NUP62CL: variants seen among roughly 807,000 people sequenced by gnomAD.
The protein encoded by NUP62CL is nucleoporin-62 C-terminal-like protein.
NUP62CL carries 13 observed loss-of-function variants against 15.3 expected under a neutral mutation model. The ratio of observed to expected loss-of-function variants is 0.85; its 90% CI spans 0.55 to 1.35. The LOEUF (loss-of-function observed/expected upper bound fraction) is 1.35, where lower values mean the gene tolerates loss of function less well. NUP62CL is among the 40% of genes most tolerant of loss of function. The pLI is 0.00. For synonymous variants in NUP62CL, 54 were observed against 49.2 expected (o/e 1.10, Z -0.41); for missense variants, 123 against 130.6 (o/e 0.94, Z 0.28).
intron 3 of NUP62CL, among the ~76,000 whole-genome samples, chrX:107,174,025 T>G (rs1195520709): frequency 9.4e-6 from 1 of 106,628 alleles, no homozygotes; most frequent in Non-Finnish European, 1.9e-5. Flanking sequence ...TTCTTTTCTT[T>G]TTTTTCTTTC....
At chrX:107,132,701 G>A (rs1925548767) in intron 8 of NUP62CL, among the ~76,000 whole-genome samples, 1 of 112,196 alleles carries the variant, frequency 8.9e-6, no homozygotes, top group South Asian at 3.7e-4. Flanking sequence ...CGAGGCTGCA[G>A]TGAGCTGCGT....
chrX:107,146,258 TAAACTC>T lies in NUP62CL; in HGVS notation c.*42+1479_*42+1484del, dbSNP rs1379729752. Among the ~76,000 whole-genome samples, 3 of 111,860 alleles carry T rather than the reference TAAACTC, an allele frequency of 2.7e-5. No individual in the cohort carries two copies. In the East Asian group the frequency reaches 8.4e-4, roughly 31 times the overall value. On this transcript the variant is annotated intron_variant, in intron 8 of 8. Transcript: ENST00000372466. ...TAAATATCCTATTCTCCAGCGATCT[TAAACTC>T]AATGGTTTTAGCATTCATTGATGAT...
intron 2 of NUP62CL, among the ~76,000 whole-genome samples, chrX:107,192,173 C>T (rs775068003): frequency 1.8e-5 from 2 of 111,512 alleles, no homozygotes; most frequent in Non-Finnish European, 3.8e-5. Context: ...TTACAATGAT[C>T]GATAGAAAAA....
At chrX:107,151,120 T>C (rs1409941752) in intron 7 of NUP62CL, among the ~76,000 whole-genome samples, 1 of 112,127 alleles carries the variant, frequency 8.9e-6, no homozygotes, top group Non-Finnish European at 1.9e-5. Context: ...TATATTTTCA[T>C]GGATGCAGCA....
rs766486285 is a variant in NUP62CL at position 107,203,930 on chromosome X, T to G, written c.-92+2343A>C. ...AAAGAATTAGCTAAACTATATCCAT[T>G]TTTCATAGCTATAAATCCACAGAAA... On this transcript the variant is annotated intron_variant, in intron 1 of 8. Coordinates refer to ENST00000372466, the MANE Select transcript of NUP62CL (RefSeq NM_017681.3). Among the ~76,000 whole-genome samples the G allele has an allele frequency of 2.2e-3, 245 of 111,967 alleles. 1 individual carries two copies. Among genetic ancestry groups the G allele is most frequent in the Non-Finnish European group, 3.9e-3 (207 of 53,192 alleles).
intron 3 of NUP62CL, among the ~76,000 whole-genome samples, chrX:107,170,847 T>A (rs184277880): frequency 1.9e-3 from 212 of 112,695 alleles, no homozygotes; most frequent in Non-Finnish European, 3.2e-3. Flanking sequence ...TCTATCACAG[T>A]CTGATTTTGC....
At chrX:107,128,640 T>C (rs1227339904) in intron 8 of NUP62CL, among the ~76,000 whole-genome samples, 1 of 111,563 alleles carries the variant, frequency 9.0e-6, no homozygotes. Flanking sequence ...ACTATTAGAA[T>C]GATGAGCCAA....
At chrX:107,127,342 C>T in intron 8 of NUP62CL, among the ~76,000 whole-genome samples, 1 of 111,268 alleles carries the variant, frequency 9.0e-6, no homozygotes, top group East Asian at 2.8e-4. Context: ...AAAATTTTGG[C>T]GGTAAAAAAA....
chrX:107,151,702 T>A (rs1926014071), intron 7 of NUP62CL, among the ~76,000 whole-genome samples: 2 of 110,062 alleles, frequency 1.8e-5, no homozygotes, highest in South Asian at 7.7e-4. Flanking sequence ...ATTGGTTGCC[T>A]ACATTATTGA....
intron 2 of NUP62CL, among the ~76,000 whole-genome samples, chrX:107,184,296 G>GAAGAAAGAAAGA (rs55729158): frequency 6.1e-5 from 4 of 65,062 alleles, no homozygotes; most frequent in Non-Finnish European, 1.1e-4. Flanking sequence ...CAAAAAAAGA[G>GAAGAAAGAAAGA]AAGAAAGAAA....
chrX:107,160,451 G>A (rs1252273997), intron 4 of NUP62CL, among the ~76,000 whole-genome samples: 1 of 107,168 alleles, frequency 9.3e-6, no homozygotes, highest in Admixed American at 1.0e-4. Flanking sequence ...CAATGGAACA[G>A]AACAGAGCCC....
chrX:107,128,055 C>T (rs1359657645), intron 8 of NUP62CL, among the ~76,000 whole-genome samples: 1 of 111,852 alleles, frequency 8.9e-6, no homozygotes, highest in African/African-American at 3.2e-5. Context: ...TAAATTAGTA[C>T]AACCTACCTG....
At chrX:107,157,955 CA>C (rs1360349174) in intron 4 of NUP62CL, among the ~76,000 whole-genome samples, 1 of 104,403 alleles carries the variant, frequency 9.6e-6, no homozygotes, top group Non-Finnish European at 2.0e-5. Context: ...AAATGGAAAA[CA>C]AAAAAAGGCA....
chrX:107,123,516 T>C lies in NUP62CL; in HGVS notation c.*859A>G, dbSNP rs1925308123. 2 of 109,813 alleles carry C rather than the reference T, an allele frequency of 1.8e-5. No individual in the cohort carries two copies. Among genetic ancestry groups the C allele is most frequent in the Admixed American group, 2.0e-4 (2 of 10,233 alleles). The allele number at this position is 109,813 out of a possible 1,213,427, so 9.0% of individuals were successfully genotyped here. A position where few individuals can be genotyped will look rare whatever the true frequency, so the allele number is the denominator to read the frequency against. On this transcript the variant is annotated 3_prime_UTR_variant, in exon 9 of 9. Transcript: ENST00000372466. ...CTTTATTTATGACTTAGGTGAAACA[T>C]GAAACACAGGAGACCAGACTGTTCC...
intron 1 of NUP62CL, 70 bp downstream of exon 1, chrX:107,206,203 G>C (rs1308011564): frequency 9.1e-6 from 1 of 110,275 alleles, no homozygotes; most frequent in Non-Finnish European, 1.9e-5. Context: ...GGGAATTCAC[G>C]CGCGGGAAAA....
At chrX:107,127,345 TAA>T (rs773716499) in intron 8 of NUP62CL, among the ~76,000 whole-genome samples, 2 of 111,752 alleles carry the variant, frequency 1.8e-5, no homozygotes, top group South Asian at 7.4e-4. Flanking sequence ...ATTTTGGCGG[TAA>T]AAAAAGTGTT....
At chrX:107,141,198 C>T (rs776399955) in intron 8 of NUP62CL, among the ~76,000 whole-genome samples, 2 of 111,977 alleles carry the variant, frequency 1.8e-5, no homozygotes, top group East Asian at 5.6e-4. Context: ...TGTTAACCAT[C>T]ACATACATGT....
chrX:107,195,203 T>C (rs956174932), intron 1 of NUP62CL, among the ~76,000 whole-genome samples: 33 of 111,713 alleles, frequency 3.0e-4, no homozygotes, highest in Middle Eastern at 4.6e-3. Context: ...ATAAGAGAAC[T>C]AAAAGCCATT....
intron 8 of NUP62CL, among the ~76,000 whole-genome samples, chrX:107,142,687 T>C (rs1360841687): frequency 8.9e-6 from 1 of 111,905 alleles, no homozygotes; most frequent in Non-Finnish European, 1.9e-5. Context: ...CCTCACCCCA[T>C]GTTGCCTCTC....
Sources: allele counts gnomAD v4.1 joint callset (sites outside exome capture counted in the v4.1 genomes callset), GRCh38; gene constraint gnomAD v4.1.1; transcripts MANE v1.5; gene names NCBI Gene and HGNC (gene_info 2026-07-23, HGNC 2026-07-21).